The following MECR variants were observed in gnomAD, a reference collection of about 807,000 sequenced individuals.
MECR encodes enoyl-[acyl-carrier-protein] reductase, mitochondrial.
A neutral mutation model predicts 49.1 loss-of-function variants in MECR; 37 were observed. That is an observed-to-expected ratio of 0.75 (90% CI 0.58 to 0.99). The LOEUF is 0.99. MECR is among the 50% of genes least tolerant of loss of function. MECR has a pLI of 0.00. For synonymous variants in MECR, 198 were observed against 191.1 expected, an observed-to-expected ratio of 1.04 and a Z score of -0.30; for missense variants, 470 against 479.6, an observed-to-expected ratio of 0.98 and a Z score of 0.19.
At chr1:29,221,763 T>A (rs1425502397) in intron 1 of MECR, among the ~76,000 whole-genome samples, 1 of 152,128 alleles carries the variant, frequency 6.6e-6, no homozygotes, top group Non-Finnish European at 1.5e-5. Context: ...GAACTGTGAG[T>A]TGGCTGGGTG....
chr1:29,196,305 A>G, intron 7 of MECR, 47 bp from the exon 8 acceptor site: 1 of 1,543,762 alleles, frequency 6.5e-7, no homozygotes, highest in Non-Finnish European at 8.9e-7. Flanking sequence ...GCAGAGACAG[A>G]GCCCTTCCTG....
At chr1:29,195,904 C>G in intron 9 of MECR, 37 bp downstream of exon 9, 1 of 1,608,922 alleles carries the variant, frequency 6.2e-7, no homozygotes, top group Non-Finnish European at 8.5e-7. Context: ...AGGCACTGCC[C>G]TCATCTGTGA....
intron 7 of MECR, among the ~76,000 whole-genome samples, chr1:29,198,378 T>C: frequency 6.6e-6 from 1 of 152,228 alleles, no homozygotes; most frequent in Non-Finnish European, 1.5e-5. Flanking sequence ...ATTGCCTAAC[T>C]TTCCACAGGC....
the MECR span, among the ~76,000 whole-genome samples, chr1:29,177,446 T>TA: frequency 6.6e-6 from 1 of 152,148 alleles, no homozygotes; most frequent in Non-Finnish European, 1.5e-5. Context: ...GACGCCCGGC[T>TA]AACTTTGTAT....
intron 7 of MECR, among the ~76,000 whole-genome samples, chr1:29,197,361 T>C (rs947610426): frequency 1.3e-5 from 2 of 152,180 alleles, no homozygotes; most frequent in African/African-American, 4.8e-5. Flanking sequence ...TAAGGAATGA[T>C]GTGGACGGTG....
chr1:29,206,572 G>A (rs963229694), intron 4 of MECR, among the ~76,000 whole-genome samples, 190 bp downstream of exon 4: 1 of 152,126 alleles, frequency 6.6e-6, no homozygotes, highest in Non-Finnish European at 1.5e-5. Context: ...CTCCTCATGA[G>A]GTTTCAGCAT....
At chr1:29,221,669 G>A (rs1271478326) in intron 1 of MECR, among the ~76,000 whole-genome samples, 1 of 152,214 alleles carries the variant, frequency 6.6e-6, no homozygotes, top group Non-Finnish European at 1.5e-5. Flanking sequence ...GAGCTAGGGA[G>A]GAAGGAAGAG....
At chr1:29,219,209 A>G (rs753407015) in intron 1 of MECR, among the ~76,000 whole-genome samples, 1 of 152,230 alleles carries the variant, frequency 6.6e-6, no homozygotes, top group Non-Finnish European at 1.5e-5. Context: ...TCTGCATTCA[A>G]AAGAAAAATC....
At position 29,230,927 on chromosome 1, in the gene MECR, A is replaced by G; in HGVS notation, c.-21T>C. On this transcript the variant is annotated 5_prime_UTR_variant, in exon 1 of 10. Transcript: ENST00000263702. ...CACATGCTCGCTCCAACCAACACAG[A>G]GCCTGACGCCCCGGCTACGTCATCT... The G allele has an allele frequency of 6.4e-7, 1 of 1,563,364 alleles. No individual in the cohort carries two copies. The highest frequency in any genetic ancestry group is 8.6e-7 in the Non-Finnish European group (1 of 1,161,430).
chr1:29,215,633 G>A (rs1337000831), intron 3 of MECR, among the ~76,000 whole-genome samples: 1 of 151,936 alleles, frequency 6.6e-6, no homozygotes, highest in Non-Finnish European at 1.5e-5. Flanking sequence ...CATTTTGGGA[G>A]GCCGAGGCAG....
the MECR span, among the ~76,000 whole-genome samples, chr1:29,176,604 G>C: frequency 6.6e-6 from 1 of 151,932 alleles, no homozygotes; most frequent in East Asian, 1.9e-4. Context: ...GGAGTCAAAA[G>C]AGAAAAATCC....
intron 1 of MECR, chr1:29,230,401 T>C: frequency 3.4e-6 from 1 of 290,572 alleles, no homozygotes; most frequent in Non-Finnish European, 6.5e-6. Flanking sequence ...CTGCCTCAGT[T>C]TTCATCTGCA....
the MECR span, chr1:29,170,767 C>T: frequency 6.6e-6 from 1 of 152,102 alleles, no homozygotes; most frequent in Admixed American, 6.6e-5. Context: ...TGTCTGCCCT[C>T]TTCATTCCTG....
chr1:29,201,841 G>A lies in MECR; in HGVS notation c.756+102C>T. On this transcript the variant is annotated intron_variant, in intron 6 of 9. Transcript: ENST00000263702. This position sits in a 1 kb window ranked among gnomAD's most constrained non-coding sequence, Gnocchi z 4.3. ...ACCAAGAGGCAAAGGGAGGTTTCCA[G>A]AGAGGAACAATGGGGCCAGTCCCCA... 9.5e-7 allele frequency: 1 copy of A among 1,047,360 alleles called. No individual in the cohort carries two copies. Among genetic ancestry groups the A allele is most frequent in the Non-Finnish European group, 1.5e-6 (1 of 681,532 alleles). 64.9% of individuals were successfully genotyped at this position (1,047,360 alleles called of 1,614,324 possible).
the MECR span, among the ~76,000 whole-genome samples, chr1:29,184,040 G>A: frequency 4.0e-5 from 6 of 151,832 alleles, no homozygotes; most frequent in South Asian, 1.0e-3. Context: ...CACCACGCCC[G>A]GCTAATTTTT....
the MECR span, among the ~76,000 whole-genome samples, chr1:29,183,752 G>A: frequency 6.6e-5 from 10 of 151,952 alleles, no homozygotes; most frequent in African/African-American, 2.4e-4. Flanking sequence ...TTTTCCATTT[G>A]TTGACTTTTG....
Position 29,200,544 on chromosome 1 carries a change from T to C in MECR, c.802A>G (p.Ser268Gly), listed in dbSNP as rs768150493. 2 of 1,613,644 alleles carry C rather than the reference T, an allele frequency of 1.2e-6. No homozygotes were observed. The highest frequency in any genetic ancestry group is 8.5e-7 in the Non-Finnish European group (1 of 1,179,656). Residue 268 changes from serine (S) to glycine (G), a missense_variant, in exon 7 of 10, where the codon AGC (serine) becomes GGC (glycine). Ser to Gly is a moderately conservative substitution (Grantham distance 56). Transcript: ENST00000263702. ...AACTGCCGCAGCAGCTCTGTGGAGCTTTTCCCACCAACACAGTTGAGAGCA... is the reference window on the plus strand; with the variant it reads ...AACTGCCGCAGCAGCTCTGTGGAGCCTTTCCCACCAACACAGTTGAGAGCA... ...RLALNCVGGKSSTELLRQLAR... is the reference protein window; with the variant it reads ...RLALNCVGGKGSTELLRQLAR...
At chr1:29,200,402 G>A (rs2151855484) in intron 7 of MECR, 114 bp downstream of exon 7, 2 of 936,504 alleles carry the variant, frequency 2.1e-6, no homozygotes, top group Non-Finnish European at 3.3e-6. Flanking sequence ...ACTCAACATT[G>A]TGCTGACCTG....
chr1:29,216,622 G>T lies in MECR; in HGVS notation c.240C>A (p.Ala80=), dbSNP rs765217269. ...GSDVRVKMLA[A]PINPSDINMI... ...TATTTATGTCAGATGGATTGATAGGGGCCGCCAGCATCTTCACACGGACAT... is the reference window on the plus strand; with the variant it reads ...TATTTATGTCAGATGGATTGATAGGTGCCGCCAGCATCTTCACACGGACAT... Residue 80 remains alanine, a synonymous_variant, in exon 2 of 10, where the codon GCC becomes GCA. Coordinates refer to ENST00000263702, the MANE Select transcript of MECR (RefSeq NM_016011.5). The T allele has an allele frequency of 3.3e-5, 53 of 1,614,048 alleles. No homozygotes were observed. In the Admixed American group the frequency reaches 8.7e-4, roughly 26 times the overall value.
Sources: gnomAD v4.1 joint callset for allele counts (sites outside exome capture counted in the v4.1 genomes callset) on GRCh38, gnomAD v4.1.1 for gene constraint, Gnocchi (gnomAD v3.1) non-coding constraint, MANE v1.5 for transcripts, NCBI Gene and HGNC (gene_info 2026-07-23, HGNC 2026-07-21) for gene names.